Variants in SLC4A4 observed in about 807,000 individuals in gnomAD.
SLC4A4 encodes the protein electrogenic sodium bicarbonate cotransporter 1.
In SLC4A4, 27 loss-of-function variants were observed where a neutral mutation model predicts 111.5. The ratio of observed to expected loss-of-function variants is 0.24; its 90% CI spans 0.18 to 0.33. The LOEUF is 0.33. Ranked by LOEUF, SLC4A4 falls within the 10% of genes least tolerant of loss-of-function variation. The pLI, the probability that SLC4A4 is intolerant of heterozygous loss-of-function variation, is 1.00. For synonymous variants in SLC4A4, 443 were observed against 463.4 expected, an observed-to-expected ratio of 0.96 and a Z score of 0.57; for missense variants, 909 against 1,315.5, an observed-to-expected ratio of 0.69 and a Z score of 4.78.
At chr4:71,278,179 A>T (rs763036490) in intron 3 of SLC4A4, among the ~76,000 whole-genome samples, 4 of 152,098 alleles carry the variant, frequency 2.6e-5, no homozygotes, top group Non-Finnish European at 5.9e-5. Flanking sequence ...ATTACACATA[A>T]AAGTGAGTTA....
intron 15 of SLC4A4, among the ~76,000 whole-genome samples, chr4:71,488,773 A>G (rs1729637436): frequency 6.6e-6 from 1 of 151,684 alleles, no homozygotes; most frequent in South Asian, 2.1e-4. Flanking sequence ...TCCAGTTCCT[A>G]TAGATGCCCC....
At chr4:71,434,938 A>C (rs1322761812) in intron 7 of SLC4A4, among the ~76,000 whole-genome samples, 2 of 152,206 alleles carry the variant, frequency 1.3e-5, no homozygotes, top group Non-Finnish European at 2.9e-5. Flanking sequence ...CAAATGGAAA[A>C]ACATTCCATG....
At chr4:71,313,105 A>G (rs1726343857) in intron 3 of SLC4A4, among the ~76,000 whole-genome samples, 1 of 152,250 alleles carries the variant, frequency 6.6e-6, no homozygotes, top group African/African-American at 2.4e-5. Flanking sequence ...TCAATGTGCA[A>G]AAATCACAAG....
At chr4:71,352,838 A>T (rs1365915872) in intron 5 of SLC4A4, among the ~76,000 whole-genome samples, 1 of 152,224 alleles carries the variant, frequency 6.6e-6, no homozygotes, top group Admixed American at 6.5e-5. Context: ...GGGAGACAAG[A>T]TTCCAAATGG....
Position 71,560,263 on chromosome 4 carries a change from C to T in SLC4A4, c.3099+9C>T, listed in dbSNP as rs374849242. The T allele has an allele frequency of 1.1e-5, 18 of 1,600,148 alleles. No homozygotes were observed. The African/African-American group carries it at 2.0e-4, about 18-fold the overall frequency. On this transcript the variant is annotated intron_variant, in intron 23 of 25. Transcript: ENST00000264485. Reference sequence around the variant, plus strand: ...ACAGTGACAATGATGATGTAAGGAACTTTCCAAATTCCAAAGGAAAGCTAG... The same window carrying T: ...ACAGTGACAATGATGATGTAAGGAATTTTCCAAATTCCAAAGGAAAGCTAG...
At chr4:71,545,809 A>C (rs1019153808) in intron 18 of SLC4A4, among the ~76,000 whole-genome samples, 1 of 152,044 alleles carries the variant, frequency 6.6e-6, no homozygotes, top group African/African-American at 2.4e-5. Context: ...CTAGATGAAC[A>C]GCATACTACT....
At chr4:71,140,144 G>T (rs965263074) in intron 2 of SLC4A4, among the ~76,000 whole-genome samples, 1 of 152,154 alleles carries the variant, frequency 6.6e-6, no homozygotes, top group African/African-American at 2.4e-5. Flanking sequence ...TGCTGGCCAG[G>T]CATAGTGGCT....
rs552823720 is a variant in SLC4A4, at chr4:71,502,258, G to A, written c.2166+4566G>A. On this transcript the variant is annotated intron_variant, in intron 16 of 25. Transcript: ENST00000264485. ...TTACTGGCGAGAGCCACTGCACCCCGGCTGATTTTGTTTATCTTTAAAGAA... is the reference window on the plus strand; with the variant it reads ...TTACTGGCGAGAGCCACTGCACCCCAGCTGATTTTGTTTATCTTTAAAGAA... Among the ~76,000 whole-genome samples, 13 of 152,252 alleles carry A rather than the reference G, an allele frequency of 8.5e-5. No individual in the cohort carries two copies. In the Middle Eastern group the frequency reaches 0.01, roughly 120 times the overall value.
At chr4:71,502,319 G>C (rs1731027823) in intron 16 of SLC4A4, among the ~76,000 whole-genome samples, 2 of 152,184 alleles carry the variant, frequency 1.3e-5, no homozygotes, top group Admixed American at 1.3e-4. Context: ...TTTTTAACTT[G>C]TCTTAGTCTT....
At chr4:71,354,909 G>A (rs1730150605) in intron 5 of SLC4A4, among the ~76,000 whole-genome samples, 1 of 152,066 alleles carries the variant, frequency 6.6e-6, no homozygotes, top group Admixed American at 6.5e-5. Flanking sequence ...ATCTAGTGTT[G>A]GCACATTCTC....
chr4:71,284,027 G>C (rs1489069515), intron 3 of SLC4A4, among the ~76,000 whole-genome samples: 1 of 152,088 alleles, frequency 6.6e-6, no homozygotes, highest in Non-Finnish European at 1.5e-5. Context: ...AACTTCTATG[G>C]GAAACAACCC....
chr4:71,372,393 CAA>C (rs1718701463), intron 6 of SLC4A4, among the ~76,000 whole-genome samples: 1 of 152,212 alleles, frequency 6.6e-6, no homozygotes, highest in South Asian at 2.1e-4. Context: ...CTGGGGAAAA[CAA>C]AGAGAAGCTA....
At chr4:71,562,622 C>G (rs1330828612) in intron 23 of SLC4A4, among the ~76,000 whole-genome samples, 6 of 151,276 alleles carry the variant, frequency 4.0e-5, no homozygotes, top group African/African-American at 1.5e-4. Flanking sequence ...TTCTCCATCC[C>G]TTTATTTTGA....
intron 3 of SLC4A4, chr4:71,338,957 T>C: frequency 3.6e-6 from 3 of 843,504 alleles, no homozygotes; most frequent in East Asian, 4.0e-5. Context: ...GATCTCAGGA[T>C]TGGGGTACTT....
rs150992596 is a variant in SLC4A4 at position 71,317,833 on chromosome 4, A to G, written c.254-21537A>G. 1.6e-4 allele frequency among the ~76,000 whole-genome samples: 24 copies of G among 152,248 alleles called. 1 individual carries two copies. The highest frequency in any genetic ancestry group is 1.4e-3 in the South Asian group (7 of 4,828). On this transcript the variant is annotated intron_variant, in intron 3 of 25. Transcript: ENST00000264485. ...ATATGTGATCTGGGTAATGTATGCA[A>G]TAACCTCATTGAATACATATCATAT...
chr4:71,508,375 T>C (rs1413223882), intron 16 of SLC4A4, among the ~76,000 whole-genome samples: 1 of 151,870 alleles, frequency 6.6e-6, no homozygotes, highest in Non-Finnish European at 1.5e-5. Context: ...AAGACTCAAA[T>C]AAACACAAGC....
At position 71,483,109 on chromosome 4, in the gene SLC4A4, C is replaced by G. The variant is rs192789291; in HGVS notation, c.1904-3839C>G. Among the ~76,000 whole-genome samples the G allele has an allele frequency of 1.3e-5, 2 of 151,702 alleles. 1 individual carries two copies. The highest frequency in any genetic ancestry group is 4.8e-5 in the African/African-American group (2 of 41,460). The stretch of plus-strand genomic sequence containing the variant: ...AATAATTATTTACTAACATCTTCTT[C>G]CTTTTGAGAATGGATTCATTCGGCT... On this transcript the variant is annotated intron_variant, in intron 14 of 25. Transcript: ENST00000264485.
intron 18 of SLC4A4, among the ~76,000 whole-genome samples, chr4:71,540,749 G>T (rs2084978): frequency 0.21 from 31,482 of 152,028 alleles, 5,722 homozygotes; most frequent in East Asian, 0.47. Context: ...TTTCATGTCT[G>T]CCCTCAATTA....
intron 3 of SLC4A4, among the ~76,000 whole-genome samples, chr4:71,261,306 G>A (rs1333535717): frequency 6.6e-6 from 1 of 152,186 alleles, no homozygotes; most frequent in Non-Finnish European, 1.5e-5. Context: ...CTTGAATTTA[G>A]TCGGCAGTTG....
Sources: allele counts gnomAD v4.1 joint callset (sites outside exome capture counted in the v4.1 genomes callset), GRCh38; gene constraint gnomAD v4.1.1; transcripts MANE v1.5; gene names NCBI Gene and HGNC (gene_info 2026-07-23, HGNC 2026-07-21).